EFCAB8: variants seen among roughly 807,000 people sequenced by gnomAD.
EFCAB8 encodes EF-hand calcium-binding domain-containing protein 8.
EFCAB8 carries 100 observed loss-of-function variants against 116.3 expected under a neutral mutation model. The observed-to-expected ratio is 0.86, with a 90% CI of 0.73 to 1.02. EFCAB8 has a LOEUF of 1.02. EFCAB8 is among the 50% of genes least tolerant of loss of function. The pLI is 0.00. For missense variants in EFCAB8, 1,320 were observed against 1,416.9 expected (o/e 0.93, Z 1.10); for synonymous variants, 558 against 567.9 (o/e 0.98, Z 0.25).
At position 32,887,440 on chromosome 20, in the gene EFCAB8, G is replaced by A. The variant is rs181574449; in HGVS notation, c.567+1800G>A. Among the ~76,000 whole-genome samples the A allele has an allele frequency of 6.6e-3, 1,003 of 152,348 alleles. 2 individuals carry two copies. Among genetic ancestry groups the A allele is most frequent in the Non-Finnish European group, 0.01 (705 of 68,032 alleles). On this transcript the variant is annotated intron_variant, in intron 6 of 26. Coordinates refer to ENST00000400522, the MANE Select transcript of EFCAB8 (RefSeq NM_001143967.2). ...AAAATACAAAAATTAGCCAGGCGTA[G>A]TGGCGCACCCCTGTAATCCCAGCTA...
chr20:32,959,684 C>T, intron 24 of EFCAB8, 94 bp from the exon 25 acceptor site: 1 of 898,522 alleles, frequency 1.1e-6, no homozygotes, highest in South Asian at 1.8e-5. Flanking sequence ...TGGAAAGGAT[C>T]AGGCCAGGAA....
chr20:32,960,205 C>T (rs2146308809), intron 26 of EFCAB8, 44 bp downstream of exon 26: 1 of 1,515,800 alleles, frequency 6.6e-7, no homozygotes, highest in African/African-American at 1.4e-5. Context: ...GGGTCAGGGG[C>T]CAGGGGATCC....
intron 26 of EFCAB8, among the ~76,000 whole-genome samples, chr20:32,960,592 C>T (rs1989116100): frequency 6.6e-6 from 1 of 152,218 alleles, no homozygotes; most frequent in Admixed American, 6.5e-5. Context: ...GAGTGGCTCT[C>T]CATCAGGGAC....
chr20:32,893,323 G>A (rs1986008337), intron 9 of EFCAB8, 25 bp downstream of exon 9: 2 of 1,551,294 alleles, frequency 1.3e-6, no homozygotes, highest in Non-Finnish European at 8.7e-7. Flanking sequence ...GGGGAAGGGG[G>A]CAGAGGCCTG....
At chr20:32,866,807 C>G (rs936761303) in intron 2 of EFCAB8, among the ~76,000 whole-genome samples, 7 of 140,662 alleles carry the variant, frequency 5.0e-5, no homozygotes, top group Non-Finnish European at 9.2e-5. Flanking sequence ...CTCCCTCCCT[C>G]CCTCTCTTCC....
At chr20:32,883,206 C>T (rs6058931) in intron 5 of EFCAB8, among the ~76,000 whole-genome samples, 63,263 of 152,094 alleles carry the variant, frequency 0.42, 15,331 homozygotes, top group Non-Finnish European at 0.55. Context: ...TCACCCAAGA[C>T]ATCTGGGTAT....
chr20:32,947,910 A>G (rs1487577135), intron 23 of EFCAB8, among the ~76,000 whole-genome samples: 1 of 151,434 alleles, frequency 6.6e-6, no homozygotes. Flanking sequence ...AATTAAAAAA[A>G]AAAAAAAAGA....
At chr20:32,952,623 T>C (rs541394955) in intron 23 of EFCAB8, among the ~76,000 whole-genome samples, 2 of 152,362 alleles carry the variant, frequency 1.3e-5, no homozygotes, top group Admixed American at 6.5e-5. Flanking sequence ...TGGTTGCTTG[T>C]CTTTGTATTC....
intron 3 of EFCAB8, among the ~76,000 whole-genome samples, chr20:32,870,158 G>A (rs1003035625): frequency 1.3e-5 from 2 of 152,212 alleles, no homozygotes; most frequent in Admixed American, 1.3e-4. Context: ...TTACGAACGA[G>A]TAAAGTGAGA....
At chr20:32,865,480 G>A (rs978416718) in intron 2 of EFCAB8, among the ~76,000 whole-genome samples, 3 of 151,998 alleles carry the variant, frequency 2.0e-5, no homozygotes, top group African/African-American at 7.3e-5. Flanking sequence ...AGTGTCAGAA[G>A]CAGGGTAAAG....
In EFCAB8 at chr20:32,918,515, G is replaced by A; in HGVS notation, c.2215G>A (p.Ala739Thr). ...NTNLRRSLVS[A>T]PPVMRCPRDK... ...CAACCTGAGGCGGAGCCTGGTGTCG[G>A]CTCCCCCAGTGATGCGGTGCCCGAG... is the stretch of plus-strand genomic sequence containing the variant. The change falls in exon 19 of 27, where the codon GCT becomes ACT. Residue 739 changes from alanine (A) to threonine (T), a missense_variant. Transcript: ENST00000400522. The A allele has an allele frequency of 1.3e-6, 2 of 1,551,702 alleles. No homozygotes were observed. The highest frequency in any genetic ancestry group is 1.7e-6 in the Non-Finnish European group (2 of 1,146,994).
intron 5 of EFCAB8, among the ~76,000 whole-genome samples, chr20:32,881,494 G>A (rs768632278): frequency 6.6e-6 from 1 of 152,216 alleles, no homozygotes; most frequent in Non-Finnish European, 1.5e-5. Context: ...ACCGCATCCA[G>A]CCAGTCATCT....
chr20:32,895,738 A>C (rs930052483), intron 9 of EFCAB8, among the ~76,000 whole-genome samples: 19 of 151,766 alleles, frequency 1.3e-4, no homozygotes, highest in Non-Finnish European at 2.9e-5. Context: ...TGCCCGGCTA[A>C]TTTTTGTATT....
At chr20:32,923,953 C>T (rs780609998) in intron 20 of EFCAB8, among the ~76,000 whole-genome samples, 86 of 152,204 alleles carry the variant, frequency 5.7e-4, no homozygotes, top group Non-Finnish European at 9.7e-4. Flanking sequence ...TAGAAACATA[C>T]TCCTGGAAAG....
chr20:32,911,522 G>A lies in EFCAB8; in HGVS notation c.1600G>A (p.Val534Ile). The change falls in exon 16 of 27, where the codon GTC (valine) becomes ATC (isoleucine). Residue 534 changes from valine to isoleucine, a missense_variant. By Grantham distance (29) the Val-to-Ile change is conservative (BLOSUM62 3). Coordinates refer to ENST00000400522, the MANE Select transcript of EFCAB8 (RefSeq NM_001143967.2). ...CLRGTVSVWE[V>I]VTGRKTMEFA... The stretch of plus-strand genomic sequence containing the variant: ...GCGCGGCACAGTGAGTGTGTGGGAG[G>A]TCGTGACGGGCAGGAAGACGATGGA... The A allele has an allele frequency of 6.6e-7, 1 of 1,512,596 alleles. No individual in the cohort carries two copies. Among genetic ancestry groups the A allele is most frequent in the South Asian group, 1.3e-5 (1 of 76,028 alleles). 93.7% of individuals were successfully genotyped at this position (1,512,596 alleles called of 1,614,324 possible).
In EFCAB8 at chr20:32,918,433, G is replaced by A; in HGVS notation, c.2133G>A (p.Trp711Ter). The A allele has an allele frequency of 6.4e-7, 1 of 1,551,724 alleles. No homozygotes were observed. Among genetic ancestry groups the A allele is most frequent in the Non-Finnish European group, 8.7e-7 (1 of 1,146,996 alleles). Reference protein sequence around the residue: ...PSRPYVEREKWTYKTSRKLSS... With the variant: ...PSRPYVEREK The stretch of plus-strand genomic sequence containing the variant: ...GACCCTATGTGGAGCGGGAGAAGTG[G>A]ACATACAAGACCTCCAGGAAGCTCT... The change falls in exon 19 of 27, where the codon TGG becomes TGA. Residue 711 changes from tryptophan to a stop codon, truncating the protein, a stop_gained. Coordinates refer to ENST00000400522, the MANE Select transcript of EFCAB8 (RefSeq NM_001143967.2). LOFTEE classifies it high-confidence loss of function.
At chr20:32,870,139 A>G (rs1951001271) in intron 3 of EFCAB8, among the ~76,000 whole-genome samples, 1 of 152,190 alleles carries the variant, frequency 6.6e-6, no homozygotes, top group African/African-American at 2.4e-5. Context: ...AGGATAAGAA[A>G]TCTCCAGTTT....
At chr20:32,912,134 C>T (rs1271104600) in intron 16 of EFCAB8, among the ~76,000 whole-genome samples, 1 of 152,062 alleles carries the variant, frequency 6.6e-6, no homozygotes. Context: ...GTCCTTTAAC[C>T]AACTCAGAAA....
rs78719806 is a variant in EFCAB8, at chr20:32,862,139, T to C, written c.-10-1644T>C. 2.1e-4 allele frequency among the ~76,000 whole-genome samples: 32 copies of C among 151,478 alleles called. No homozygotes were observed. In the East Asian group the frequency reaches 5.4e-3, roughly 26 times the overall value. On this transcript the variant is annotated intron_variant, in intron 1 of 26. Transcript: ENST00000400522. Reference sequence around the variant, plus strand: ...TTGTTTTTATTATTTCTTTTCTTTTTTTTTTTTTTGAGACAGGGTCTCACT... The same window carrying C: ...TTGTTTTTATTATTTCTTTTCTTTTCTTTTTTTTTGAGACAGGGTCTCACT...
Sources: allele counts gnomAD v4.1 joint callset (sites outside exome capture counted in the v4.1 genomes callset), GRCh38; gene constraint gnomAD v4.1.1; transcripts MANE v1.5; gene names NCBI Gene and HGNC (gene_info 2026-07-23, HGNC 2026-07-21).